The following ATP8B1 variants were observed in gnomAD, a reference collection of about 807,000 sequenced individuals.
ATP8B1 encodes phospholipid-transporting ATPase IC.
ATP8B1 carries 80 observed loss-of-function variants against 149.9 expected under a neutral mutation model. That is an observed-to-expected ratio of 0.53 (90% CI 0.45 to 0.64). The LOEUF (loss-of-function observed/expected upper bound fraction) is 0.64. Among genes scored for constraint, ATP8B1 ranks in the 30% least tolerant of loss-of-function variants. The pLI, the probability that ATP8B1 is intolerant of heterozygous loss-of-function variation, is 0.00. For missense variants in ATP8B1, 1,247 were observed against 1,552.6 expected, an observed-to-expected ratio of 0.80 and a Z score of 3.31; for synonymous variants, 536 against 562.8, an observed-to-expected ratio of 0.95 and a Z score of 0.67.
At chr18:57,742,565 C>T (rs1473007801) in intron 1 of ATP8B1, among the ~76,000 whole-genome samples, 2 of 152,144 alleles carry the variant, frequency 1.3e-5, no homozygotes, top group Non-Finnish European at 2.9e-5. Flanking sequence ...GGTGTGGTGG[C>T]TCACACCTGT....
chr18:57,725,941 T>G (rs1385036694), intron 2 of ATP8B1, among the ~76,000 whole-genome samples: 1 of 152,102 alleles, frequency 6.6e-6, no homozygotes. Flanking sequence ...AAGAAAACCC[T>G]GGGGAAGTCT....
At chr18:57,732,000 A>G in intron 1 of ATP8B1, 168 bp from the exon 2 acceptor site, 1 of 635,116 alleles carries the variant, frequency 1.6e-6, no homozygotes. Flanking sequence ...GAACAAAACC[A>G]TTCAGTACTG....
At chr18:57,786,062 A>G (rs2080405606) in intron 1 of ATP8B1, among the ~76,000 whole-genome samples, 1 of 152,176 alleles carries the variant, frequency 6.6e-6, no homozygotes, top group African/African-American at 2.4e-5. Flanking sequence ...ATCAGTGTGG[A>G]AAGGCATGTT....
chr18:57,674,690 A>T lies in ATP8B1; in HGVS notation c.1819+144T>A, dbSNP rs909936516. 1.0e-5 allele frequency: 10 copies of T among 966,354 alleles called. No homozygotes were observed. The South Asian group carries it at 1.2e-4, about 12-fold the overall frequency. 59.9% of individuals were successfully genotyped at this position (966,354 alleles called of 1,614,324 possible). A position where few individuals can be genotyped will look rare whatever the true frequency, so the allele number is the denominator to read the frequency against. On this transcript the variant is annotated intron_variant, in intron 16 of 27. Transcript: ENST00000648908. ...CGTGAGCCACCACGCCCAGCCAACA[A>T]TACCAGTTTCAGTAAAGCTGCAGAA...
intron 1 of ATP8B1, among the ~76,000 whole-genome samples, chr18:57,793,675 C>T (rs1222962038): frequency 6.6e-6 from 1 of 152,014 alleles, no homozygotes; most frequent in Non-Finnish European, 1.5e-5. Flanking sequence ...AGGGCTTCTG[C>T]AGCAAGTTAT....
At chr18:57,657,863 C>T (rs1404528148) in intron 22 of ATP8B1, among the ~76,000 whole-genome samples, 2 of 152,178 alleles carry the variant, frequency 1.3e-5, no homozygotes, top group Non-Finnish European at 2.9e-5. Context: ...TGTCATAGTT[C>T]CCAGGGCAAC....
At chr18:57,689,000 C>T (rs1038591568) in intron 12 of ATP8B1, among the ~76,000 whole-genome samples, 6 of 152,222 alleles carry the variant, frequency 3.9e-5, no homozygotes, top group Admixed American at 2.6e-4. Context: ...TTTCTCCTAA[C>T]CACATGCATC....
intron 2 of ATP8B1, among the ~76,000 whole-genome samples, chr18:57,709,408 A>C (rs1650293180): frequency 6.6e-6 from 1 of 152,210 alleles, no homozygotes; most frequent in Non-Finnish European, 1.5e-5. Context: ...TAATATTTAA[A>C]ATAGCTTTTC....
chr18:57,682,341 A>G (rs1005471174), intron 15 of ATP8B1, among the ~76,000 whole-genome samples: 1 of 152,108 alleles, frequency 6.6e-6, no homozygotes, highest in Admixed American at 6.6e-5. Context: ...CCTTCTTACT[A>G]CAACACCGAG....
At chr18:57,760,981 T>A in intron 1 of ATP8B1, among the ~76,000 whole-genome samples, 1 of 148,386 alleles carries the variant, frequency 6.7e-6, no homozygotes, top group Non-Finnish European at 1.5e-5. Context: ...AGAGCGAGAC[T>A]CTGTCTCAAA....
chr18:57,676,316 C>G (rs1052851219), intron 15 of ATP8B1, among the ~76,000 whole-genome samples: 1 of 151,854 alleles, frequency 6.6e-6, no homozygotes, highest in Non-Finnish European at 1.5e-5. Flanking sequence ...CGCACATCAC[C>G]ACGCCCAGCT....
rs769688340 is a variant in ATP8B1 at position 57,688,459 on chromosome 18, C to T, written c.1269G>A (p.Leu423=). The T allele has an allele frequency of 1.2e-6, 2 of 1,614,060 alleles. No individual in the cohort carries two copies. Among genetic ancestry groups the T allele is most frequent in the Non-Finnish European group, 1.7e-6 (2 of 1,180,042 alleles). ...TGTCCTTCTCAGCATAGTACATTTG[C>T]AGGTCCCAGTTGATGAAGTGACTCT... ...LGQSHFINWD[L]QMYYAEKDTP... Residue 423 remains leucine, a synonymous_variant, in exon 13 of 28, where the codon CTG becomes CTA. Coordinates refer to ENST00000648908, the MANE Select transcript of ATP8B1 (RefSeq NM_001374385.1).
intron 14 of ATP8B1, among the ~76,000 whole-genome samples, chr18:57,684,698 T>A (rs772765733): frequency 6.6e-6 from 1 of 152,154 alleles, no homozygotes; most frequent in Non-Finnish European, 1.5e-5. Context: ...AAAAGATATG[T>A]TGAAATTCTA....
At chr18:57,707,774 T>C (rs1274020309) in intron 2 of ATP8B1, among the ~76,000 whole-genome samples, 1 of 151,324 alleles carries the variant, frequency 6.6e-6, no homozygotes, top group African/African-American at 2.4e-5. Flanking sequence ...CCCAAAGTCC[T>C]GGGATTACAG....
At chr18:57,705,335 T>TA (rs1404107966) in intron 3 of ATP8B1, among the ~76,000 whole-genome samples, 1 of 152,190 alleles carries the variant, frequency 6.6e-6, no homozygotes, top group Non-Finnish European at 1.5e-5. Flanking sequence ...AGACAGAGCC[T>TA]ACTATGTAAG....
At chr18:57,683,418 G>A (rs955851321) in intron 15 of ATP8B1, among the ~76,000 whole-genome samples, 1 of 152,158 alleles carries the variant, frequency 6.6e-6, no homozygotes, top group African/African-American at 2.4e-5. Context: ...CTTGATACAG[G>A]ACAAACTTGC....
chr18:57,795,035 G>T lies in ATP8B1; in HGVS notation c.-26+7963C>A, dbSNP rs560472537. 2.6e-5 allele frequency among the ~76,000 whole-genome samples: 4 copies of T among 151,864 alleles called. No homozygotes were observed. The East Asian group carries it at 7.7e-4, about 29-fold the overall frequency. On this transcript the variant is annotated intron_variant, in intron 1 of 27. Transcript: ENST00000648908. Reference sequence around the variant, plus strand: ...GGATACATTTTACCAAACTGAATAAGGGGGGCTCAAAAACTGACATGAACA... The same window carrying T: ...GGATACATTTTACCAAACTGAATAATGGGGGCTCAAAAACTGACATGAACA...
At chr18:57,717,470 C>A (rs1217445506) in intron 2 of ATP8B1, among the ~76,000 whole-genome samples, 1 of 132,496 alleles carries the variant, frequency 7.5e-6, no homozygotes, top group Non-Finnish European at 1.6e-5. Context: ...ATGGCATGAA[C>A]CCGGGAGGCG....
chr18:57,712,550 C>T (rs1483603639), intron 2 of ATP8B1, among the ~76,000 whole-genome samples: 1 of 152,038 alleles, frequency 6.6e-6, no homozygotes, highest in Non-Finnish European at 1.5e-5. Context: ...CCCTGGGGCT[C>T]TAAATAAAAT....
Sources: gnomAD v4.1 joint callset for allele counts (sites outside exome capture counted in the v4.1 genomes callset) on GRCh38, gnomAD v4.1.1 for gene constraint, MANE v1.5 for transcripts, NCBI Gene and HGNC (gene_info 2026-07-23, HGNC 2026-07-21) for gene names.